PRELID3A: variants seen among roughly 807,000 people sequenced by gnomAD.
PRELID3A encodes PRELI domain containing 3A.
In PRELID3A, 27 loss-of-function variants were observed where a neutral mutation model predicts 23.0. The observed-to-expected ratio is 1.17, with a 90% CI of 0.87 to 1.62. The LOEUF is 1.62. PRELID3A is among the 40% of genes most tolerant of loss of function. The pLI, the probability that PRELID3A is intolerant of heterozygous loss-of-function variation, is 0.00. For missense variants in PRELID3A, 231 were observed against 231.4 expected (o/e 1.00, Z 0.01); for synonymous variants, 87 against 86.4 (o/e 1.01, Z -0.04).
chr18:12,420,282 C>T (rs758245263), intron 1 of PRELID3A, 43 bp from the exon 2 acceptor site: 12 of 1,549,514 alleles, frequency 7.7e-6, no homozygotes, highest in Non-Finnish European at 1.0e-5. Flanking sequence ...CTTGCGGCCC[C>T]GGCCCCGGCG....
intron 4 of PRELID3A, 23 bp from the exon 5 acceptor site, chr18:12,427,198 C>A (rs1403303969): frequency 3.7e-6 from 6 of 1,611,438 alleles, no homozygotes; most frequent in Non-Finnish European, 5.1e-6. Context: ...TGGTCAGCCC[C>A]TTTTCTTCTT....
chr18:12,430,517 G>A lies in PRELID3A; in HGVS notation c.*34-633G>A, dbSNP rs544622379. 3.0e-4 allele frequency among the ~76,000 whole-genome samples: 45 copies of A among 149,278 alleles called. 1 individual carries two copies. The highest frequency in any genetic ancestry group is 2.1e-3 in the Admixed American group (31 of 14,984). Reference sequence around the variant, plus strand: ...GTGTGTATGCTGGTGTGTGATGTGCGTGTGTGGGGTGTGTGTGATGTGTAT... The same window carrying A: ...GTGTGTATGCTGGTGTGTGATGTGCATGTGTGGGGTGTGTGTGATGTGTAT... On this transcript the variant is annotated intron_variant, in intron 6 of 6. Transcript: ENST00000440960.
intron 3 of PRELID3A, chr18:12,422,243 C>T (rs985027984): frequency 6.1e-5 from 9 of 147,948 alleles, no homozygotes; most frequent in Non-Finnish European, 1.3e-4. Flanking sequence ...CTCTCTCTCA[C>T]CTAGGCTGGA....
At chr18:12,419,526 G>A (rs1363028813) in intron 1 of PRELID3A, among the ~76,000 whole-genome samples, 1 of 152,008 alleles carries the variant, frequency 6.6e-6, no homozygotes, top group East Asian at 1.9e-4. Flanking sequence ...CTACTAGAGA[G>A]GCTGAGGCAG....
At chr18:12,409,136 T>C (rs1909825014) in intron 1 of PRELID3A, among the ~76,000 whole-genome samples, 1 of 149,942 alleles carries the variant, frequency 6.7e-6, no homozygotes, top group Non-Finnish European at 1.5e-5. Context: ...CGAGACAGAG[T>C]CTCATTCTGT....
chr18:12,430,734 T>G (rs919189062), intron 6 of PRELID3A, among the ~76,000 whole-genome samples: 12 of 144,248 alleles, frequency 8.3e-5, no homozygotes, highest in Non-Finnish European at 1.4e-4. Flanking sequence ...CTGTGTAATG[T>G]GTATGTGTGT....
chr18:12,426,061 C>G (rs980426654), intron 3 of PRELID3A, among the ~76,000 whole-genome samples: 3 of 148,994 alleles, frequency 2.0e-5, no homozygotes, highest in African/African-American at 7.6e-5. Context: ...ATGCTGAAAC[C>G]CTGTCTCTAC....
chr18:12,414,890 A>G (rs904810787), intron 1 of PRELID3A, among the ~76,000 whole-genome samples: 2 of 152,162 alleles, frequency 1.3e-5, no homozygotes, highest in African/African-American at 4.8e-5. Flanking sequence ...GTGGTGGGGT[A>G]TAGCAGGCCT....
chr18:12,415,232 C>A (rs2143336077), intron 1 of PRELID3A, among the ~76,000 whole-genome samples: 1 of 151,212 alleles, frequency 6.6e-6, no homozygotes, highest in South Asian at 2.1e-4. Flanking sequence ...ACCTGGTCTG[C>A]CTACATCTTT....
At chr18:12,409,229 C>T (rs775131665) in intron 1 of PRELID3A, among the ~76,000 whole-genome samples, 3 of 130,438 alleles carry the variant, frequency 2.3e-5, no homozygotes, top group Non-Finnish European at 4.6e-5. Context: ...TGCAATGGCG[C>T]GATCTTGGCT....
In PRELID3A at chr18:12,421,336, C is replaced by G. The variant is rs140324598; in HGVS notation, c.202-204C>G. The G allele has an allele frequency of 1.1e-3, 627 of 579,748 alleles. 3 individuals carry two copies. Among genetic ancestry groups the G allele is most frequent in the African/African-American group, 0.01 (555 of 53,280 alleles). 35.9% of individuals were successfully genotyped at this position (579,748 alleles called of 1,614,324 possible). ...GCATAGTGCTGCTGCACGCTCCACT[C>G]TGTTGGAATTCATTTCTTTGCTCAG... On this transcript the variant is annotated intron_variant, in intron 2 of 6. Transcript: ENST00000440960.
intron 6 of PRELID3A, 48 bp downstream of exon 6, chr18:12,429,484 G>C: frequency 7.8e-7 from 1 of 1,285,468 alleles, no homozygotes; most frequent in Non-Finnish European, 1.1e-6. Context: ...AGCCTCTTGT[G>C]ACCCGTGTGC....
intron 1 of PRELID3A, among the ~76,000 whole-genome samples, chr18:12,416,193 T>C (rs1400267605): frequency 6.6e-6 from 1 of 152,262 alleles, no homozygotes; most frequent in Non-Finnish European, 1.5e-5. Flanking sequence ...CCAGCAGCAC[T>C]TCCTGTTGTC....
At chr18:12,430,512 T>A (rs2143409832) in intron 6 of PRELID3A, among the ~76,000 whole-genome samples, 1 of 149,138 alleles carries the variant, frequency 6.7e-6, no homozygotes, top group South Asian at 2.1e-4. Context: ...TGGTGTGTGA[T>A]GTGCGTGTGT....
chr18:12,409,159 G>C (rs1290672087), intron 1 of PRELID3A, among the ~76,000 whole-genome samples: 20 of 66,486 alleles, frequency 3.0e-4, no homozygotes, highest in African/African-American at 1.1e-3. Flanking sequence ...CCCAGGCTGG[G>C]TTTTTTTTTT....
rs200280022 is a variant in PRELID3A at position 12,420,325 on chromosome 18, C to T, written c.33C>T (p.Gly11=). 2.0e-5 allele frequency: 32 copies of T among 1,605,998 alleles called. No individual in the cohort carries two copies. The East Asian group carries it at 6.3e-4, about 32-fold the overall frequency. The part of the protein sequence containing the change: MKIWSSEHVF[G]HPWDTVIQAA... ...ACCGCCGCCTATGCTCTCCCCGCAG[C>T]CACCCGTGGGACACGGTCATCCAGG... The change falls in exon 2 of 7, where the codon GGC becomes GGT. Residue 11 remains glycine (G), a splice_region_variant and synonymous_variant. Transcript: ENST00000440960.
intron 3 of PRELID3A, among the ~76,000 whole-genome samples, chr18:12,424,756 G>T (rs1038103079): frequency 6.6e-6 from 1 of 152,204 alleles, no homozygotes; most frequent in South Asian, 2.1e-4. Flanking sequence ...TTTGAGAAGA[G>T]GGTGAACTGA....
In PRELID3A at chr18:12,426,325, C is replaced by T. The variant is rs185464117; in HGVS notation, c.292-716C>T. 3.1e-4 allele frequency among the ~76,000 whole-genome samples: 47 copies of T among 151,318 alleles called. 1 individual carries two copies. The East Asian group carries it at 3.1e-3, about 10-fold the overall frequency. ...ATCCCAGCACTTTGGGAGGCCAAGG[C>T]GGGCGGATCACGAGGTCAGGAGATC... On this transcript the variant is annotated intron_variant, in intron 3 of 6. Coordinates refer to ENST00000440960, the MANE Select transcript of PRELID3A (RefSeq NM_001142405.2).
intron 1 of PRELID3A, among the ~76,000 whole-genome samples, chr18:12,416,719 C>T (rs1356382400): frequency 6.6e-6 from 1 of 150,412 alleles, no homozygotes; most frequent in Non-Finnish European, 1.5e-5. Context: ...GATCTGGGCT[C>T]ACTGCAAGCT....
Sources: allele counts gnomAD v4.1 joint callset (sites outside exome capture counted in the v4.1 genomes callset), GRCh38; gene constraint gnomAD v4.1.1; transcripts MANE v1.5; gene names NCBI Gene and HGNC (gene_info 2026-07-23, HGNC 2026-07-21).